ABL2: variants seen among roughly 807,000 people sequenced by gnomAD.
The protein encoded by ABL2 is tyrosine-protein kinase ABL2.
Under a neutral mutation model 107.7 loss-of-function variants are expected in ABL2, and 49 were observed. That is an observed-to-expected ratio of 0.45 (90% CI 0.36 to 0.58). The LOEUF is 0.58. Ranked by LOEUF, ABL2 falls within the 20% of genes least tolerant of loss-of-function variation. ABL2 has a pLI of 0.00. For missense variants in ABL2, 1,245 were observed against 1,457.0 expected (o/e 0.85, Z 2.37); for synonymous variants, 549 against 548.6 (o/e 1.00, Z -0.01).
intron 1 of ABL2, among the ~76,000 whole-genome samples, chr1:179,171,823 T>C (rs901517096): frequency 3.3e-5 from 5 of 152,228 alleles, no homozygotes; most frequent in Non-Finnish European, 7.3e-5. Flanking sequence ...ACTTTTCATG[T>C]CCATGTTTTC....
At position 179,112,298 on chromosome 1, in the gene ABL2, C is replaced by T. The variant is rs768091566; in HGVS notation, c.1651+11G>A. The T allele has an allele frequency of 4.4e-5, 71 of 1,609,408 alleles. No individual in the cohort carries two copies. Among genetic ancestry groups the T allele is most frequent in the Non-Finnish European group, 5.5e-5 (65 of 1,176,164 alleles). On this transcript the variant is annotated intron_variant, in intron 10 of 11. Transcript: ENST00000502732. ...AATTAGTCACCAACAGTAAATCCAA[C>T]AGATTCTCACCTTCAGAAATGCTGG...
intron 11 of ABL2, among the ~76,000 whole-genome samples, chr1:179,110,044 G>A (rs894360781): frequency 2.0e-5 from 3 of 152,126 alleles, no homozygotes; most frequent in African/African-American, 7.2e-5. Context: ...CGGGTTCAGC[G>A]AAGTTTTTGA....
chr1:179,181,982 G>A (rs1660405978), intron 1 of ABL2, among the ~76,000 whole-genome samples: 2 of 114,896 alleles, frequency 1.7e-5, no homozygotes, highest in African/African-American at 3.3e-5. Context: ...ATTTTTAGTA[G>A]AGACAGGGTT....
rs778809228 is a variant in ABL2, at chr1:179,115,034, C to T, written c.1409-4G>A. Reference sequence around the variant, plus strand: ...TCCCACAACAATACCCCAAAAGCTGCATAAGGAATTAAAAAAAGCACTTAG... The same window carrying T: ...TCCCACAACAATACCCCAAAAGCTGTATAAGGAATTAAAAAAAGCACTTAG... On this transcript the variant is annotated splice_region_variant and splice_polypyrimidine_tract_variant and intron_variant, in intron 8 of 11. Coordinates refer to ENST00000502732, the MANE Select transcript of ABL2 (RefSeq NM_007314.4). The T allele has an allele frequency of 6.3e-7, 1 of 1,581,970 alleles. No homozygotes were observed. The highest frequency in any genetic ancestry group is 1.2e-5 in the South Asian group (1 of 84,154).
chr1:179,229,203 TC>T (rs2124888210), intron 1 of ABL2, 37 bp downstream of exon 1: 1 of 484,118 alleles, frequency 2.1e-6, no homozygotes, highest in Non-Finnish European at 2.6e-6. Flanking sequence ...ACCCCCGGCC[TC>T]CCCCACGCTC....
intron 1 of ABL2, among the ~76,000 whole-genome samples, chr1:179,154,311 G>A (rs765506831): frequency 6.6e-6 from 1 of 152,070 alleles, no homozygotes; most frequent in Non-Finnish European, 1.5e-5. Flanking sequence ...ATTATGTGTC[G>A]GTCTTTATGA....
Position 179,229,625 on chromosome 1 carries a change from GC to G in ABL2, c.-229del. 1 of 495,314 alleles carries G rather than the reference GC, an allele frequency of 2.0e-6. No individual in the cohort carries two copies. The highest frequency in any genetic ancestry group is 3.1e-5 in the South Asian group (1 of 31,958). 30.7% of individuals were successfully genotyped at this position (495,314 alleles called of 1,614,324 possible). A position where few individuals can be genotyped will look rare whatever the true frequency, so the allele number is the denominator to read the frequency against. On this transcript the variant is annotated 5_prime_UTR_variant, in exon 1 of 12. It removes the in-frame stop codon of an upstream open reading frame in the 5' UTR. Transcript: ENST00000502732. Reference sequence around the variant, plus strand: ...TTCCCTCCTCCTGTCGCGGCTCCGCGCCCCCAACGCCGCCGCCGCCGCCGCC... The same window carrying G: ...TTCCCTCCTCCTGTCGCGGCTCCGCGCCCCAACGCCGCCGCCGCCGCCGCC...
chr1:179,138,368 C>T (rs541369734), intron 1 of ABL2, among the ~76,000 whole-genome samples: 1 of 152,144 alleles, frequency 6.6e-6, no homozygotes, highest in Admixed American at 6.5e-5. Context: ...CAAAGTACTG[C>T]GATTACAAGC....
chr1:179,227,725 T>C (rs537217575), intron 1 of ABL2, among the ~76,000 whole-genome samples: 2 of 152,284 alleles, frequency 1.3e-5, no homozygotes, highest in African/African-American at 4.8e-5. Context: ...AAAGTGTTCA[T>C]ATACCCGAAA....
Position 179,114,184 on chromosome 1 carries a change from G to A in ABL2, c.1561+694C>T, listed in dbSNP as rs1268811728. Among the ~76,000 whole-genome samples the A allele has an allele frequency of 2.0e-5, 3 of 151,920 alleles. 1 individual carries two copies. Among genetic ancestry groups the A allele is most frequent in the Non-Finnish European group, 4.4e-5 (3 of 67,990 alleles). On this transcript the variant is annotated intron_variant, in intron 9 of 11. Coordinates refer to ENST00000502732, the MANE Select transcript of ABL2 (RefSeq NM_007314.4). ...GCAGGAGAATCGCTTGAACCTGGGG[G>A]ACGGAGGTTGCAAAGATTGTGCCAC...
intron 1 of ABL2, among the ~76,000 whole-genome samples, chr1:179,140,589 T>G (rs1394164093): frequency 6.6e-6 from 1 of 152,218 alleles, no homozygotes; most frequent in Non-Finnish European, 1.5e-5. Flanking sequence ...GAACAGTGTC[T>G]ACATATAAGA....
At position 179,229,393 on chromosome 1, in the gene ABL2, C is replaced by T. The variant is rs771357822; in HGVS notation, c.5G>A (p.Gly2Glu). The T allele has an allele frequency of 2.0e-6, 3 of 1,538,016 alleles. No homozygotes were observed. Among genetic ancestry groups the T allele is most frequent in the Non-Finnish European group, 1.7e-6 (2 of 1,151,132 alleles). M[G>E]QQVGRVGEAP... is the part of the protein sequence containing the mutation. ...TTCCCCGACGCGGCCCACCTGCTGC[C>T]CCATCCCTGCTCTCGCGTACTCCCG... Residue 2 changes from glycine (G) to glutamate (E), a missense_variant, in exon 1 of 12, where the codon GGG becomes GAG. Coordinates refer to ENST00000502732, the MANE Select transcript of ABL2 (RefSeq NM_007314.4).
intron 1 of ABL2, among the ~76,000 whole-genome samples, chr1:179,162,856 T>C (rs1659153546): frequency 6.6e-6 from 1 of 152,190 alleles, no homozygotes; most frequent in South Asian, 2.1e-4. Context: ...ACAAGGTGAA[T>C]TATAGCAGAA....
intron 1 of ABL2, 74 bp downstream of exon 1, chr1:179,229,167 T>TGCGGCCCCCCCCC: frequency 9.9e-6 from 4 of 402,570 alleles, no homozygotes; most frequent in East Asian, 6.5e-5. Flanking sequence ...GGGCAGCCCG[T>TGCGGCCCCCCCCC]CCGCCACCCA....
intron 1 of ABL2, among the ~76,000 whole-genome samples, chr1:179,228,759 G>C (rs1663373471): frequency 1.3e-5 from 2 of 152,164 alleles, no homozygotes; most frequent in African/African-American, 4.8e-5. Context: ...TCACTATCCT[G>C]ACACTGCTCA....
At position 179,108,364 on chromosome 1, in the gene ABL2, G is replaced by C. The variant is rs774754926; in HGVS notation, c.2903C>G (p.Ser968Cys). 1.9e-6 allele frequency: 3 copies of C among 1,614,118 alleles called. No homozygotes were observed. The African/African-American group carries it at 4.0e-5, about 22-fold the overall frequency. The change falls in exon 12 of 12, where the codon TCC (serine) becomes TGC (cysteine). Residue 968 changes from serine to cysteine, a missense_variant. Around this residue, in one of 3 missense-constraint regions of ABL2, gnomAD observed 761 missense variants for 766.4 expected, o/e 0.99. Transcript: ENST00000502732. ...TCGGGGTCGGTCCTTGTCTCCAGAG[G>C]ATGTGACCTGATGCTCAGATAAGAG... Reference protein sequence around the residue: ...FKLLSEHQVTSSGDKDRPRRV... With the variant: ...FKLLSEHQVTCSGDKDRPRRV...
chr1:179,214,499 GAAC>G lies in ABL2; in HGVS notation c.157+14739_157+14741del, dbSNP rs1241252366. ...GTGCAGGAGGAGACAAAGATCAATG[GAAC>G]AACAGTTTTAAAATGACATATATAT... On this transcript the variant is annotated intron_variant, in intron 1 of 11. Transcript: ENST00000502732. 8.6e-4 allele frequency among the ~76,000 whole-genome samples: 109 copies of G among 126,892 alleles called. 2 individuals are homozygous for G. In the East Asian group the frequency reaches 0.022, roughly 26 times the overall value. The allele number at this position is 126,892 out of a possible 152,430, so 83.2% of individuals were successfully genotyped here.
intron 1 of ABL2, among the ~76,000 whole-genome samples, chr1:179,156,725 A>G (rs1358738684): frequency 6.6e-6 from 1 of 151,948 alleles, no homozygotes; most frequent in East Asian, 1.9e-4. Context: ...AAAACATACA[A>G]AAAATTAGCT....
chr1:179,185,704 C>A (rs1330126740), intron 1 of ABL2, among the ~76,000 whole-genome samples: 1 of 151,708 alleles, frequency 6.6e-6, no homozygotes, highest in Non-Finnish European at 1.5e-5. Flanking sequence ...TTGTTTTTGA[C>A]TAAAAAGAGG....
Sources: gnomAD v4.1 joint callset for allele counts (sites outside exome capture counted in the v4.1 genomes callset) on GRCh38, gnomAD v4.1.1 for gene constraint, gnomAD v4.1.1 regional missense constraint, MANE v1.5 for transcripts, NCBI Gene and HGNC (gene_info 2026-07-23, HGNC 2026-07-21) for gene names.